The following SFSWAP variants were observed in gnomAD, a reference collection of about 807,000 sequenced individuals.
SFSWAP encodes the protein splicing factor SWAP.
A neutral mutation model predicts 100.7 loss-of-function variants in SFSWAP; 17 were observed. That is an observed-to-expected ratio of 0.17 (90% CI 0.12 to 0.25). The LOEUF is 0.25. Among genes scored for constraint, SFSWAP ranks in the 10% least tolerant of loss-of-function variants. The pLI is 1.00. For missense variants in SFSWAP, 1,005 were observed against 1,262.6 expected (o/e 0.80, Z 3.09); for synonymous variants, 504 against 510.1 (o/e 0.99, Z 0.16).
At chr12:131,784,326 G>A (rs1884740947) in intron 14 of SFSWAP, 1 of 152,162 alleles carries the variant, frequency 6.6e-6, no homozygotes, top group African/African-American at 2.4e-5. Context: ...AGACCTTGAT[G>A]CTGAGTCATC....
chr12:131,754,571 G>T (rs1881974047), intron 9 of SFSWAP, 72 bp downstream of exon 9: 3 of 965,554 alleles, frequency 3.1e-6, no homozygotes, highest in Non-Finnish European at 4.1e-6. Flanking sequence ...TTAAAAAAAT[G>T]TAGGTACAGA....
chr12:131,743,763 C>T (rs927464939), intron 7 of SFSWAP, among the ~76,000 whole-genome samples: 1 of 152,242 alleles, frequency 6.6e-6, no homozygotes, highest in Non-Finnish European at 1.5e-5. Context: ...CATTTCCCCT[C>T]CACACTGCCC....
intron 13 of SFSWAP, among the ~76,000 whole-genome samples, chr12:131,769,955 C>G (rs1883451481): frequency 6.6e-6 from 1 of 152,160 alleles, no homozygotes; most frequent in African/African-American, 2.4e-5. Context: ...CACTAGGATG[C>G]TCTCCCTGGA....
At chr12:131,785,191 G>A (rs1435206180) in intron 14 of SFSWAP, 14 of 1,535,544 alleles carry the variant, frequency 9.1e-6, no homozygotes, top group Non-Finnish European at 1.2e-5. Flanking sequence ...ATTTGACTCC[G>A]CGAGCTCTTT....
chr12:131,747,821 G>A (rs1881277710), intron 7 of SFSWAP, among the ~76,000 whole-genome samples: 1 of 152,258 alleles, frequency 6.6e-6, no homozygotes, highest in Non-Finnish European at 1.5e-5. Flanking sequence ...ATCCCAGTGG[G>A]AATGTTGAGT....
At chr12:131,716,218 G>T (rs1877900317) in intron 3 of SFSWAP, among the ~76,000 whole-genome samples, 2 of 152,186 alleles carry the variant, frequency 1.3e-5, no homozygotes, top group South Asian at 4.1e-4. Flanking sequence ...GTGGGCACAA[G>T]AATTACTGTT....
At chr12:131,797,901 G>A (rs936481116) in intron 16 of SFSWAP, among the ~76,000 whole-genome samples, 3 of 152,266 alleles carry the variant, frequency 2.0e-5, no homozygotes, top group Non-Finnish European at 2.9e-5. Flanking sequence ...AGAGAGGGCA[G>A]CATCTGGGAA....
At chr12:131,781,968 C>T (rs570921474) in intron 14 of SFSWAP, among the ~76,000 whole-genome samples, 3 of 152,334 alleles carry the variant, frequency 2.0e-5, no homozygotes, top group East Asian at 3.9e-4. Context: ...ATTGGTTCCC[C>T]TCCACAGGGC....
intron 12 of SFSWAP, 137 bp from the exon 13 acceptor site, chr12:131,765,981 G>T (rs1180213850): frequency 1.8e-5 from 14 of 773,072 alleles, no homozygotes; most frequent in Non-Finnish European, 2.4e-5. Context: ...CTCAAAATTT[G>T]ATTTGTCCAA....
intron 13 of SFSWAP, among the ~76,000 whole-genome samples, chr12:131,771,704 A>G (rs1883625532): frequency 8.0e-6 from 1 of 125,020 alleles, no homozygotes; most frequent in Non-Finnish European, 1.6e-5. Context: ...TCCAGGCTGG[A>G]GTGCAGTAGC....
At chr12:131,712,478 A>G (rs915132340) in intron 1 of SFSWAP, 1 of 151,984 alleles carries the variant, frequency 6.6e-6, no homozygotes, top group African/African-American at 2.4e-5. Flanking sequence ...ACCAACCATT[A>G]AACTGTGGAA....
intron 13 of SFSWAP, among the ~76,000 whole-genome samples, chr12:131,774,300 A>G (rs887912463): frequency 2.0e-5 from 3 of 152,204 alleles, no homozygotes; most frequent in African/African-American, 7.2e-5. Context: ...TTCAAATACA[A>G]TCAGATACAA....
Position 131,754,450 on chromosome 12 carries a change from A to G in SFSWAP, c.1405A>G (p.Arg469Gly). ...VIDKLAEYVA[R>G]NGLKFETSVR... is the part of the protein sequence containing the mutation. The stretch of plus-strand genomic sequence containing the variant: ...TGACAAGCTGGCCGAGTATGTCGCC[A>G]GGAACGGCCTGAAGTTCGAGACCAG... The change falls in exon 9 of 18, where the codon AGG becomes GGG. Residue 469 changes from arginine (R) to glycine (G), a missense_variant. By Grantham distance (125) the Arg-to-Gly change is moderately radical. Coordinates refer to ENST00000261674, the MANE Select transcript of SFSWAP (RefSeq NM_004592.4). 1 of 1,599,092 alleles carries G rather than the reference A, an allele frequency of 6.3e-7. No individual in the cohort carries two copies. The highest frequency in any genetic ancestry group is 8.5e-7 in the Non-Finnish European group (1 of 1,173,912).
In SFSWAP at chr12:131,764,452, A is replaced by T. The variant is rs1882946793; in HGVS notation, c.1721-4A>T. 11 of 1,612,188 alleles carry T rather than the reference A, an allele frequency of 6.8e-6. No homozygotes were observed. Among genetic ancestry groups the T allele is most frequent in the Non-Finnish European group, 9.3e-6 (11 of 1,178,390 alleles). On this transcript the variant is annotated splice_polypyrimidine_tract_variant and splice_region_variant and intron_variant, in intron 11 of 17. Transcript: ENST00000261674. ...GTATCATAATTCTCACCTTTCCTCA[A>T]TAGCTTCCTTTGCTCCAATAAGCTT... is the stretch of plus-strand genomic sequence containing the variant.
intron 10 of SFSWAP, among the ~76,000 whole-genome samples, chr12:131,755,885 T>G (rs1566031569): frequency 6.6e-6 from 1 of 152,262 alleles, no homozygotes; most frequent in Non-Finnish European, 1.5e-5. Flanking sequence ...GCTGGGGGTG[T>G]CCTGCAGCAC....
intron 14 of SFSWAP, among the ~76,000 whole-genome samples, chr12:131,783,179 T>TA (rs555914355): frequency 0.21 from 25,526 of 124,480 alleles, 3,063 homozygotes; most frequent in Non-Finnish European, 0.28. Flanking sequence ...AGACTCCGTC[T>TA]AAAAAAAAAA....
chr12:131,751,200 C>T (rs561988869), intron 7 of SFSWAP, among the ~76,000 whole-genome samples: 14 of 152,356 alleles, frequency 9.2e-5, no homozygotes, highest in Non-Finnish European at 1.8e-4. Flanking sequence ...TGTGATTGCA[C>T]TTTACACAGT....
chr12:131,772,554 C>T (rs1883701581), intron 13 of SFSWAP, among the ~76,000 whole-genome samples: 1 of 152,228 alleles, frequency 6.6e-6, no homozygotes, highest in Admixed American at 6.5e-5. Flanking sequence ...GGAGGGACCA[C>T]ACGAACGGAC....
Position 131,797,212 on chromosome 12 carries a change from C to G in SFSWAP, c.2569C>G (p.Arg857Gly). Reference protein sequence around the residue: ...PHEKKKKRRSRSRTKSKARSQ... With the variant: ...PHEKKKKRRSGSRTKSKARSQ... ...CGAGAAGAAGAAGAAGAGGCGGTCC[C>G]GGTCGCGGACCAAGTCCAAGGCCAG... The change falls in exon 16 of 18, where the codon CGG becomes GGG. Residue 857 changes from arginine to glycine, a missense_variant. Transcript: ENST00000261674. 6.2e-7 allele frequency: 1 copy of G among 1,611,590 alleles called. No homozygotes were observed. Among genetic ancestry groups the G allele is most frequent in the Non-Finnish European group, 8.5e-7 (1 of 1,179,744 alleles).
Sources: allele counts gnomAD v4.1 joint callset (sites outside exome capture counted in the v4.1 genomes callset), GRCh38; gene constraint gnomAD v4.1.1; transcripts MANE v1.5; gene names NCBI Gene and HGNC (gene_info 2026-07-23, HGNC 2026-07-21).